Variants in RFX4 observed in about 807,000 individuals in gnomAD.
RFX4 encodes regulatory factor X4, also known as transcription factor RFX4.
RFX4 carries 10 observed loss-of-function variants against 95.0 expected under a neutral mutation model. That is an observed-to-expected ratio of 0.11 (90% CI 0.06 to 0.18). RFX4 has a LOEUF of 0.18. RFX4 is among the 10% of genes least tolerant of loss of function. The pLI is 1.00. For synonymous variants in RFX4, 321 were observed against 340.7 expected (o/e 0.94, Z 0.64); for missense variants, 640 against 922.0 (o/e 0.69, Z 3.96).
chr12:106,598,306 G>A (rs1002539418), intron 1 of RFX4, among the ~76,000 whole-genome samples: 3 of 152,244 alleles, frequency 2.0e-5, no homozygotes, highest in Middle Eastern at 3.4e-3. Flanking sequence ...TCAATGGAAC[G>A]TTTGGCATCT....
intron 9 of RFX4, among the ~76,000 whole-genome samples, 155 bp downstream of exon 9, chr12:106,709,585 T>TA (rs2042153791): frequency 6.6e-6 from 1 of 152,236 alleles, no homozygotes; most frequent in Non-Finnish European, 1.5e-5. Flanking sequence ...TAAATATATT[T>TA]AATCCTCATA....
chr12:106,759,223 A>G (rs1055053635), intron 17 of RFX4, among the ~76,000 whole-genome samples: 1 of 152,240 alleles, frequency 6.6e-6, no homozygotes, highest in Non-Finnish European at 1.5e-5. Flanking sequence ...ACAAAAGGGC[A>G]GGCATGGCAG....
intron 1 of RFX4, chr12:106,601,378 G>A: frequency 6.4e-7 from 1 of 1,555,644 alleles, no homozygotes; most frequent in East Asian, 2.4e-5. Flanking sequence ...CAGGAGACTG[G>A]GGTGGGCCTG....
At chr12:106,621,593 C>G (rs2137237050) in intron 2 of RFX4, among the ~76,000 whole-genome samples, 1 of 152,318 alleles carries the variant, frequency 6.6e-6, no homozygotes, top group South Asian at 2.1e-4. Context: ...TTCTTGTTTT[C>G]TCAATCTGCA....
At chr12:106,750,878 A>G in intron 17 of RFX4, 85 bp downstream of exon 17, 1 of 1,267,732 alleles carries the variant, frequency 7.9e-7, no homozygotes, top group Admixed American at 2.9e-5. Context: ...ACTGTTATGC[A>G]TACTGTGTGT....
At chr12:106,646,878 C>T (rs1010278844) in intron 3 of RFX4, among the ~76,000 whole-genome samples, 1 of 152,184 alleles carries the variant, frequency 6.6e-6, no homozygotes, top group African/African-American at 2.4e-5. Flanking sequence ...CTGAAGTCCC[C>T]TGAGAAATGT....
At chr12:106,685,333 G>A (rs2041621700) in intron 5 of RFX4, among the ~76,000 whole-genome samples, 1 of 152,174 alleles carries the variant, frequency 6.6e-6, no homozygotes, top group Non-Finnish European at 1.5e-5. Flanking sequence ...AAGCACTTGG[G>A]AGGTTCAAAT....
chr12:106,690,047 C>T (rs1299952989), intron 7 of RFX4, among the ~76,000 whole-genome samples: 2 of 152,140 alleles, frequency 1.3e-5, no homozygotes, highest in East Asian at 3.8e-4. Context: ...TGATGGAAGA[C>T]ATCCCAGAAA....
At chr12:106,706,187 G>A (rs1319652053) in intron 8 of RFX4, among the ~76,000 whole-genome samples, 1 of 152,274 alleles carries the variant, frequency 6.6e-6, no homozygotes, top group Non-Finnish European at 1.5e-5. Context: ...GAGAGGACCA[G>A]TTGGAGTTGG....
At chr12:106,675,353 C>T (rs1228182113) in intron 4 of RFX4, among the ~76,000 whole-genome samples, 2 of 152,142 alleles carry the variant, frequency 1.3e-5, no homozygotes, top group South Asian at 2.1e-4. Flanking sequence ...ATCACTTGAA[C>T]CCAGGAGGCA....
chr12:106,621,586 T>A (rs2040187294), intron 2 of RFX4, among the ~76,000 whole-genome samples: 2 of 152,240 alleles, frequency 1.3e-5, no homozygotes, highest in African/African-American at 4.8e-5. Flanking sequence ...CCTCAATTTC[T>A]TGTTTTCTCA....
At chr12:106,753,189 T>C (rs2043041326) in intron 17 of RFX4, among the ~76,000 whole-genome samples, 1 of 152,152 alleles carries the variant, frequency 6.6e-6, no homozygotes, top group Non-Finnish European at 1.5e-5. Context: ...TCTGGCCTAC[T>C]CACAAACTCC....
chr12:106,751,602 T>A (rs2043007825), intron 17 of RFX4, among the ~76,000 whole-genome samples: 1 of 144,850 alleles, frequency 6.9e-6, no homozygotes, highest in South Asian at 2.3e-4. Flanking sequence ...GCACCTGTTG[T>A]TTCCTGACTT....
intron 8 of RFX4, among the ~76,000 whole-genome samples, chr12:106,701,494 A>C (rs1011613660): frequency 6.6e-6 from 1 of 152,088 alleles, no homozygotes; most frequent in African/African-American, 2.4e-5. Flanking sequence ...TGATATTTCA[A>C]TTACAAGTAT....
intron 2 of RFX4, among the ~76,000 whole-genome samples, chr12:106,634,501 G>C (rs1007247166): frequency 1.3e-5 from 2 of 152,132 alleles, no homozygotes; most frequent in Non-Finnish European, 2.9e-5. Context: ...AACCTTTTGA[G>C]GTAGGGATTA....
chr12:106,713,540 G>C (rs1225928541), intron 10 of RFX4, among the ~76,000 whole-genome samples: 2 of 152,174 alleles, frequency 1.3e-5, no homozygotes, highest in African/African-American at 2.4e-5. Flanking sequence ...GGGGCTGCTG[G>C]GGCAAGGAGG....
chr12:106,618,535 A>G (rs1041093947), intron 2 of RFX4, among the ~76,000 whole-genome samples: 12 of 152,120 alleles, frequency 7.9e-5, no homozygotes, highest in Middle Eastern at 3.6e-3. Flanking sequence ...TTTTTGCTTT[A>G]AAGTCTATTT....
chr12:106,735,391 G>T (rs149792238), intron 15 of RFX4, among the ~76,000 whole-genome samples: 46 of 152,122 alleles, frequency 3.0e-4, no homozygotes, highest in African/African-American at 1.1e-3. Flanking sequence ...TTATAAAATG[G>T]AATAAAGACA....
At chr12:106,684,633 G>C (rs996403473) in intron 5 of RFX4, 1 of 1,322,666 alleles carries the variant, frequency 7.6e-7, no homozygotes, top group Non-Finnish European at 1.0e-6. Flanking sequence ...TTAAGGTTAC[G>C]GTGGTGTGTC....
Sources: gnomAD v4.1 joint callset for allele counts (sites outside exome capture counted in the v4.1 genomes callset) on GRCh38, gnomAD v4.1.1 for gene constraint, MANE v1.5 for transcripts, NCBI Gene and HGNC (gene_info 2026-07-23, HGNC 2026-07-21) for gene names.